MTUS2: variants seen among roughly 807,000 people sequenced by gnomAD.
The protein encoded by MTUS2 is microtubule associated scaffold protein 2.
A neutral mutation model predicts 114.1 loss-of-function variants in MTUS2; 40 were observed. The ratio of observed to expected loss-of-function variants is 0.35; its 90% CI spans 0.27 to 0.46. The LOEUF (loss-of-function observed/expected upper bound fraction) is 0.46. MTUS2 is among the 20% of genes least tolerant of loss of function. MTUS2 has a pLI of 1.00. For missense variants in MTUS2, 1,679 were observed against 1,705.4 expected (o/e 0.98, Z 0.27); for synonymous variants, 688 against 672.0 (o/e 1.02, Z -0.37).
chr13:29,500,974 T>C (rs902370490), intron 14 of MTUS2, 123 bp from the exon 15 acceptor site: 4 of 688,614 alleles, frequency 5.8e-6, no homozygotes, highest in East Asian at 2.6e-5. Context: ...CACTAAAGCA[T>C]TGCGAACTGA....
At chr13:29,204,443 T>C (rs550634628) in intron 5 of MTUS2, among the ~76,000 whole-genome samples, 4 of 152,294 alleles carry the variant, frequency 2.6e-5, no homozygotes, top group Admixed American at 2.0e-4. Context: ...CCAGTGATGC[T>C]CAGGAGCGGT....
At chr13:28,944,413 C>T (rs1882410190) in intron 2 of MTUS2, among the ~76,000 whole-genome samples, 1 of 152,026 alleles carries the variant, frequency 6.6e-6, no homozygotes, top group Admixed American at 6.6e-5. Context: ...GTCAGGGTAA[C>T]TTCTGTGTGC....
At chr13:29,390,765 A>ATGT (rs1410855447) in intron 8 of MTUS2, among the ~76,000 whole-genome samples, 1 of 149,622 alleles carries the variant, frequency 6.7e-6, no homozygotes, top group East Asian at 2.0e-4. Flanking sequence ...GGTGATGATG[A>ATGT]TGATGATGAT....
At chr13:28,967,752 C>A (rs2138240256) in intron 2 of MTUS2, among the ~76,000 whole-genome samples, 1 of 152,264 alleles carries the variant, frequency 6.6e-6, no homozygotes, top group African/African-American at 2.4e-5. Context: ...ATGACATGAT[C>A]TGTGCAAAAA....
intron 2 of MTUS2, among the ~76,000 whole-genome samples, chr13:28,844,174 T>A (rs920915279): frequency 1.3e-5 from 2 of 152,206 alleles, no homozygotes; most frequent in East Asian, 1.9e-4. Context: ...AGCCATTTGG[T>A]CGTGATTTCC....
intron 5 of MTUS2, among the ~76,000 whole-genome samples, chr13:29,153,314 T>G (rs1427538266): frequency 1.3e-5 from 2 of 152,080 alleles, no homozygotes; most frequent in Admixed American, 1.3e-4. Flanking sequence ...GTGACAGACA[T>G]AACAGAATTT....
intron 7 of MTUS2, among the ~76,000 whole-genome samples, chr13:29,326,166 T>C (rs1022762497): frequency 2.0e-5 from 3 of 152,174 alleles, no homozygotes; most frequent in Non-Finnish European, 2.9e-5. Context: ...GACTGACTGA[T>C]TGCAGCTCCA....
chr13:28,978,608 T>C (rs980888476), intron 2 of MTUS2, among the ~76,000 whole-genome samples: 2 of 152,232 alleles, frequency 1.3e-5, no homozygotes, highest in African/African-American at 4.8e-5. Flanking sequence ...CTCTAATTCA[T>C]TGGAAATTAC....
chr13:29,224,843 C>T (rs1383790814), intron 5 of MTUS2, among the ~76,000 whole-genome samples: 3 of 152,156 alleles, frequency 2.0e-5, no homozygotes, highest in African/African-American at 7.2e-5. Context: ...CTGGGGCCTC[C>T]AATCCACCAA....
intron 7 of MTUS2, among the ~76,000 whole-genome samples, chr13:29,342,844 T>C (rs1464673228): frequency 6.6e-6 from 1 of 152,028 alleles, no homozygotes; most frequent in Admixed American, 6.5e-5. Flanking sequence ...TCTGTGCTGA[T>C]TTTGCTGAGG....
intron 5 of MTUS2, among the ~76,000 whole-genome samples, chr13:29,145,705 A>G (rs28367498): frequency 6.6e-6 from 1 of 151,662 alleles, no homozygotes; most frequent in Non-Finnish European, 1.5e-5. Context: ...TAAGATTCCC[A>G]GAAATATTTT....
At chr13:28,854,091 G>T (rs995472501) in intron 2 of MTUS2, among the ~76,000 whole-genome samples, 1 of 152,182 alleles carries the variant, frequency 6.6e-6, no homozygotes, top group African/African-American at 2.4e-5. Context: ...TATTCAAAGC[G>T]TGGTCTGCAA....
At chr13:29,125,207 A>G (rs868606288) in intron 5 of MTUS2, among the ~76,000 whole-genome samples, 1 of 152,250 alleles carries the variant, frequency 6.6e-6, no homozygotes, top group African/African-American at 2.4e-5. Context: ...TTTGATAACT[A>G]TAGGACAGCT....
chr13:29,385,340 G>C (rs1368481011), intron 8 of MTUS2, among the ~76,000 whole-genome samples: 20 of 152,206 alleles, frequency 1.3e-4, no homozygotes, highest in Admixed American at 3.3e-4. Context: ...TGGGTGCTCG[G>C]TGTTTCACAC....
chr13:29,066,458 G>T (rs1406724325), intron 4 of MTUS2, among the ~76,000 whole-genome samples: 1 of 152,200 alleles, frequency 6.6e-6, no homozygotes, highest in Non-Finnish European at 1.5e-5. Flanking sequence ...ATGTTTTGGA[G>T]CAGGGGTGGG....
At chr13:29,250,117 T>C (rs11843066) in intron 5 of MTUS2, among the ~76,000 whole-genome samples, 51,075 of 152,020 alleles carry the variant, frequency 0.34, 8,847 homozygotes, top group Middle Eastern at 0.46. Context: ...AATTCTTTCT[T>C]AAAAAATAAT....
rs1425817833 is a variant in MTUS2, at chr13:29,015,991, GC to G, written c.-242-8464del. On this transcript the variant is annotated intron_variant, in intron 2 of 15. Coordinates refer to ENST00000612955, the MANE Select transcript of MTUS2 (RefSeq NM_001033602.4). ...GCCATCTCGGCCCAGTGCAACCTCC[GC>G]CTCCTGGGTTCAAGCAATTCTCCTA... is the stretch of plus-strand genomic sequence containing the variant. Among the ~76,000 whole-genome samples the G allele has an allele frequency of 2.6e-5, 4 of 151,804 alleles. No homozygotes were observed. The East Asian group carries it at 7.7e-4, about 29-fold the overall frequency.
intron 2 of MTUS2, among the ~76,000 whole-genome samples, chr13:28,916,493 T>TA (rs1880753862): frequency 6.6e-6 from 1 of 151,802 alleles, no homozygotes; most frequent in South Asian, 2.1e-4. Flanking sequence ...TTATAGTTTT[T>TA]ATTGTAGAGA....
Position 29,276,922 on chromosome 13 carries a change from G to GCATA in MTUS2, c.2645-4782_2645-4781insCATA, listed in dbSNP as rs888098878. The stretch of plus-strand genomic sequence containing the variant: ...CAAATAAATAAATAAATAAATAAAT[G>GCATA]AATAAATAAATAAATAAGAAAAAAG... On this transcript the variant is annotated intron_variant, in intron 5 of 15. Coordinates refer to ENST00000612955, the MANE Select transcript of MTUS2 (RefSeq NM_001033602.4). 1.3e-4 allele frequency among the ~76,000 whole-genome samples: 19 copies of GCATA among 151,430 alleles called. No individual in the cohort carries two copies. The South Asian group carries it at 1.7e-3, about 13-fold the overall frequency.
Sources: allele counts gnomAD v4.1 joint callset (sites outside exome capture counted in the v4.1 genomes callset), GRCh38; gene constraint gnomAD v4.1.1; transcripts MANE v1.5; gene names NCBI Gene and HGNC (gene_info 2026-07-23, HGNC 2026-07-21).